The following DISC1 variants were observed in gnomAD, a reference collection of about 807,000 sequenced individuals.
The protein encoded by DISC1 is DISC1 scaffold protein.
Under a neutral mutation model 84.5 loss-of-function variants are expected in DISC1, and 57 were observed. The ratio of observed to expected loss-of-function variants is 0.67; its 90% CI spans 0.55 to 0.84. The LOEUF (loss-of-function observed/expected upper bound fraction) is 0.84, where lower values mean the gene tolerates loss of function less well. DISC1 is among the 40% of genes least tolerant of loss of function. The pLI is 0.00. For missense variants in DISC1, 1,000 were observed against 1,057.8 expected (o/e 0.95, Z 0.76); for synonymous variants, 411 against 415.2 (o/e 0.99, Z 0.12).
intron 3 of DISC1, chr1:231,720,839 C>A (rs376772849): frequency 1.1e-5 from 14 of 1,290,800 alleles, no homozygotes; most frequent in Non-Finnish European, 1.3e-5. Flanking sequence ...GTTGTCGTTT[C>A]GTTTACAGGT....
intron 9 of DISC1, among the ~76,000 whole-genome samples, chr1:231,882,006 G>T (rs769989736): frequency 4.6e-5 from 7 of 152,140 alleles, no homozygotes; most frequent in Non-Finnish European, 7.3e-5. Flanking sequence ...GAGACTCAGG[G>T]TCTGCGCCCA....
At chr1:231,842,018 A>C (rs1189769871) in intron 9 of DISC1, among the ~76,000 whole-genome samples, 1 of 152,032 alleles carries the variant, frequency 6.6e-6, no homozygotes, top group Non-Finnish European at 1.5e-5. Flanking sequence ...TTATTTTTTT[A>C]AGAGAGGGTC....
intron 6 of DISC1, among the ~76,000 whole-genome samples, chr1:231,778,983 T>C (rs2077170957): frequency 6.6e-6 from 1 of 152,032 alleles, no homozygotes; most frequent in African/African-American, 2.4e-5. Flanking sequence ...GCAGCATCAA[T>C]GCTAAAACGA....
intron 9 of DISC1, among the ~76,000 whole-genome samples, chr1:231,856,351 C>T (rs1079344): frequency 0.32 from 49,130 of 151,856 alleles, 8,373 homozygotes; most frequent in East Asian, 0.39. Flanking sequence ...TCTGCTTCCC[C>T]TCTGTTCTCG....
chr1:231,907,609 A>G (rs1033728529), intron 9 of DISC1, among the ~76,000 whole-genome samples: 1 of 152,182 alleles, frequency 6.6e-6, no homozygotes, highest in East Asian at 1.9e-4. Flanking sequence ...CAAGTCTGCT[A>G]TTGTGAATAG....
intron 3 of DISC1, chr1:231,722,454 A>G (rs758290313): frequency 1.9e-6 from 3 of 1,597,178 alleles, no homozygotes; most frequent in Non-Finnish European, 2.6e-6. Context: ...CATAAACATC[A>G]CAGTGCTTCA....
intron 9 of DISC1, among the ~76,000 whole-genome samples, chr1:231,872,548 C>T (rs1266079997): frequency 6.6e-6 from 1 of 152,102 alleles, no homozygotes; most frequent in Non-Finnish European, 1.5e-5. Flanking sequence ...CTTTCTAGGG[C>T]TGAAGTTGTA....
At chr1:231,929,839 T>C (rs200396713) in intron 9 of DISC1, among the ~76,000 whole-genome samples, 1 of 152,162 alleles carries the variant, frequency 6.6e-6, no homozygotes, top group Non-Finnish European at 1.5e-5. Flanking sequence ...ACTCCACCAT[T>C]GTTGTTGTTG....
intron 12 of DISC1, among the ~76,000 whole-genome samples, chr1:232,032,978 TGTAA>T (rs1670189435): frequency 6.6e-6 from 1 of 152,212 alleles, no homozygotes; most frequent in Non-Finnish European, 1.5e-5. Flanking sequence ...TTTATTTTTC[TGTAA>T]GTCAGTGAGA....
At chr1:231,746,353 G>T (rs572844172) in intron 3 of DISC1, among the ~76,000 whole-genome samples, 1 of 152,108 alleles carries the variant, frequency 6.6e-6, no homozygotes, top group Non-Finnish European at 1.5e-5. Flanking sequence ...TTCATCTGTT[G>T]TTGGACACTT....
At position 232,031,838 on chromosome 1, in the gene DISC1, CTG is replaced by C. The variant is rs1670083566; in HGVS notation, c.2426-4851_2426-4850del. Among the ~76,000 whole-genome samples the C allele has an allele frequency of 6.6e-6, 1 of 152,188 alleles. No homozygotes were observed. The highest frequency in any genetic ancestry group is 2.1e-4 in the South Asian group (1 of 4,832). ...GGTTTTCCTCTTTGCTCTTGAAAGA[CTG>C]TGATCCTCATGGCTTTTCCATGAGG... On this transcript the variant is annotated intron_variant, in intron 12 of 12. Transcript: ENST00000439617. The surrounding 1 kb of genome is among the most constrained non-coding windows in gnomAD (Gnocchi z 4.6).
intron 9 of DISC1, among the ~76,000 whole-genome samples, chr1:231,853,526 C>T (rs557138741): frequency 2.6e-5 from 4 of 152,206 alleles, no homozygotes; most frequent in Non-Finnish European, 5.9e-5. Context: ...GCATTATAAT[C>T]TTAGGGGACC....
At chr1:231,873,873 T>G (rs4553174) in intron 9 of DISC1, among the ~76,000 whole-genome samples, 135,981 of 151,694 alleles carry the variant, frequency 0.9, 61,037 homozygotes, top group East Asian at 1. Context: ...ACAGAGTCTT[T>G]CTCTATTGCC....
At chr1:231,927,811 A>G (rs964138866) in intron 9 of DISC1, among the ~76,000 whole-genome samples, 1 of 152,238 alleles carries the variant, frequency 6.6e-6, no homozygotes, top group African/African-American at 2.4e-5. Context: ...CCCCTTGATC[A>G]GGACCTTTTC....
intron 3 of DISC1, chr1:231,723,817 C>G: frequency 1.0e-6 from 1 of 985,432 alleles, no homozygotes; most frequent in Non-Finnish European, 1.2e-6. Flanking sequence ...CTTCCTCCCT[C>G]TTTTTTGTTG....
intron 6 of DISC1, among the ~76,000 whole-genome samples, chr1:231,774,442 A>G (rs1280438079): frequency 2.0e-5 from 3 of 152,226 alleles, no homozygotes; most frequent in Admixed American, 6.5e-5. Flanking sequence ...AGAGGCCATC[A>G]GCACTGGCTG....
chr1:231,952,171 T>C (rs753900360), intron 9 of DISC1, among the ~76,000 whole-genome samples: 5 of 148,726 alleles, frequency 3.4e-5, no homozygotes, highest in Non-Finnish European at 7.5e-5. Flanking sequence ...GACAGTCAGG[T>C]ATAACTCCAA....
chr1:231,922,759 C>T (rs2090087136), intron 9 of DISC1, among the ~76,000 whole-genome samples: 2 of 152,198 alleles, frequency 1.3e-5, no homozygotes, highest in Middle Eastern at 6.8e-3. Flanking sequence ...GTGAGATACC[C>T]TTCCAGCTGG....
chr1:231,830,382 G>A (rs2082137209), intron 9 of DISC1, among the ~76,000 whole-genome samples: 1 of 152,112 alleles, frequency 6.6e-6, no homozygotes, highest in South Asian at 2.1e-4. Context: ...AAGAGAAGGA[G>A]AAAAACAGGT....
Sources: allele counts gnomAD v4.1 joint callset (sites outside exome capture counted in the v4.1 genomes callset), GRCh38; gene constraint gnomAD v4.1.1; non-coding constraint Gnocchi (gnomAD v3.1); transcripts MANE v1.5; gene names NCBI Gene and HGNC (gene_info 2026-07-23, HGNC 2026-07-21).